Variants in CNTNAP2 observed in about 807,000 individuals in gnomAD.
CNTNAP2 encodes contactin associated protein 2.
CNTNAP2 carries 98 observed loss-of-function variants against 155.2 expected under a neutral mutation model. The ratio of observed to expected loss-of-function variants is 0.63; its 90% CI spans 0.54 to 0.75. The LOEUF (loss-of-function observed/expected upper bound fraction) is 0.75, where lower values mean the gene tolerates loss of function less well. Ranked by LOEUF, CNTNAP2 falls within the 30% of genes least tolerant of loss-of-function variation. CNTNAP2 has a pLI of 0.00. For missense variants in CNTNAP2, 1,727 were observed against 1,688.1 expected (o/e 1.02, Z -0.40); for synonymous variants, 651 against 631.2 (o/e 1.03, Z -0.47).
At chr7:146,388,068 C>T (rs1795485988) in intron 1 of CNTNAP2, among the ~76,000 whole-genome samples, 2 of 148,228 alleles carry the variant, frequency 1.3e-5, no homozygotes, top group Admixed American at 6.7e-5. Context: ...GGTATCTTCT[C>T]TTGATATGTT....
intron 1 of CNTNAP2, among the ~76,000 whole-genome samples, chr7:146,307,456 C>A (rs879400998): frequency 1.3e-5 from 2 of 152,132 alleles, no homozygotes; most frequent in Non-Finnish European, 2.9e-5. Context: ...CAGTGACTTT[C>A]TTCACAGAAC....
At chr7:147,078,852 C>A (rs1238376965) in intron 4 of CNTNAP2, among the ~76,000 whole-genome samples, 4 of 151,862 alleles carry the variant, frequency 2.6e-5, no homozygotes, top group South Asian at 2.1e-4. Context: ...CAGATTCAAG[C>A]AATTCTCCTA....
chr7:147,050,059 A>G (rs1799443989), intron 4 of CNTNAP2, among the ~76,000 whole-genome samples: 1 of 152,194 alleles, frequency 6.6e-6, no homozygotes, highest in Non-Finnish European at 1.5e-5. Flanking sequence ...CTCATTTGAA[A>G]TCATTCTGCT....
chr7:146,326,387 C>A (rs540760373), intron 1 of CNTNAP2, among the ~76,000 whole-genome samples: 1 of 152,300 alleles, frequency 6.6e-6, no homozygotes, highest in East Asian at 1.9e-4. Flanking sequence ...CCTTGCATAT[C>A]TCTTTTCCTG....
At chr7:148,233,653 GGTGCTTACT>G (rs1795999953) in intron 20 of CNTNAP2, among the ~76,000 whole-genome samples, 1 of 152,098 alleles carries the variant, frequency 6.6e-6, no homozygotes, top group African/African-American at 2.4e-5. Flanking sequence ...CACATGTATT[GGTGCTTACT>G]GTGTCCAAGG....
Position 147,740,424 on chromosome 7 carries a change from C to T in CNTNAP2, c.2098+101118C>T, listed in dbSNP as rs752673596. Among the ~76,000 whole-genome samples the T allele has an allele frequency of 2.4e-4, 37 of 152,196 alleles. 1 individual carries two copies. The highest frequency in any genetic ancestry group is 1.5e-5 in the Non-Finnish European group (1 of 68,030). ...GCCTCACCCTGCTACAGCTCGTTCGCTGACACTGCCCAACAAACCCACTGA... is the reference window on the plus strand; with the variant it reads ...GCCTCACCCTGCTACAGCTCGTTCGTTGACACTGCCCAACAAACCCACTGA... On this transcript the variant is annotated intron_variant, in intron 13 of 23. Coordinates refer to ENST00000361727, the MANE Select transcript of CNTNAP2 (RefSeq NM_014141.6).
At chr7:146,540,038 T>A (rs750040766) in intron 1 of CNTNAP2, among the ~76,000 whole-genome samples, 1 of 152,032 alleles carries the variant, frequency 6.6e-6, no homozygotes, top group East Asian at 1.9e-4. Context: ...TTTTAAGGCG[T>A]CTTGCAAGAC....
chr7:146,229,816 T>C (rs145644630), intron 1 of CNTNAP2, among the ~76,000 whole-genome samples: 103 of 152,300 alleles, frequency 6.8e-4, no homozygotes, highest in African/African-American at 2.4e-3. Flanking sequence ...GTTCCTATTA[T>C]TAAAGAGATT....
At chr7:147,334,221 C>T (rs917602332) in intron 9 of CNTNAP2, among the ~76,000 whole-genome samples, 4 of 152,150 alleles carry the variant, frequency 2.6e-5, no homozygotes, top group Non-Finnish European at 5.9e-5. Flanking sequence ...TCTGCCTCCT[C>T]CTTCCTCTTC....
intron 1 of CNTNAP2, among the ~76,000 whole-genome samples, chr7:146,233,464 C>CTT (rs11453742): frequency 3.7e-4 from 55 of 149,300 alleles, no homozygotes; most frequent in Non-Finnish European, 6.7e-4. Context: ...CTCTGTGACT[C>CTT]TTTTTTTTTT....
At chr7:146,823,240 T>A (rs868398320) in intron 2 of CNTNAP2, among the ~76,000 whole-genome samples, 49 of 148,258 alleles carry the variant, frequency 3.3e-4, no homozygotes, top group Admixed American at 1.3e-3. Flanking sequence ...CTTCAGTATA[T>A]TTAAATGTAA....
intron 3 of CNTNAP2, among the ~76,000 whole-genome samples, chr7:146,916,384 T>C (rs1478850285): frequency 6.6e-6 from 1 of 151,622 alleles, no homozygotes; most frequent in Non-Finnish European, 1.5e-5. Flanking sequence ...TCTAAAAATA[T>C]TGTCAATAAG....
chr7:148,073,957 A>G (rs1166501070), intron 15 of CNTNAP2, among the ~76,000 whole-genome samples: 1 of 152,162 alleles, frequency 6.6e-6, no homozygotes, highest in Non-Finnish European at 1.5e-5. Flanking sequence ...ATTTTGGTAT[A>G]GAAGGGGGTC....
chr7:146,807,158 A>C (rs1802982896), intron 2 of CNTNAP2, among the ~76,000 whole-genome samples: 1 of 152,174 alleles, frequency 6.6e-6, no homozygotes, highest in Non-Finnish European at 1.5e-5. Context: ...GAATAACTGA[A>C]ATAAATTACT....
chr7:146,656,664 T>C (rs1800000220), intron 1 of CNTNAP2, among the ~76,000 whole-genome samples: 1 of 152,164 alleles, frequency 6.6e-6, no homozygotes, highest in South Asian at 2.1e-4. Flanking sequence ...TAGGTAGGCT[T>C]TGCCAAGACT....
chr7:147,302,916 T>C (rs1028032837), intron 9 of CNTNAP2, among the ~76,000 whole-genome samples: 7 of 152,210 alleles, frequency 4.6e-5, no homozygotes, highest in Admixed American at 6.5e-5. Flanking sequence ...TAAACATTCT[T>C]CTGCAAGCTC....
intron 1 of CNTNAP2, among the ~76,000 whole-genome samples, chr7:146,512,235 T>A (rs2129135594): frequency 6.6e-6 from 1 of 152,058 alleles, no homozygotes; most frequent in Non-Finnish European, 1.5e-5. Context: ...TTTTTAAAAA[T>A]CAACTTTTCA....
rs527369894 is a variant in CNTNAP2 at position 148,374,014 on chromosome 7, A to T, written c.3476-9635A>T. On this transcript the variant is annotated intron_variant, in intron 21 of 23. Transcript: ENST00000361727. ...GAGATTCTAATTTTTTCTTGTGTTA[A>T]TTATGTGACATGGAGCGTCAGTTAA... Among the ~76,000 whole-genome samples the T allele has an allele frequency of 5.9e-5, 9 of 152,282 alleles. No homozygotes were observed. In the East Asian group the frequency reaches 9.6e-4, roughly 16 times the overall value.
chr7:146,951,476 G>A (rs539746252), intron 3 of CNTNAP2, among the ~76,000 whole-genome samples: 1 of 152,216 alleles, frequency 6.6e-6, no homozygotes, highest in African/African-American at 2.4e-5. Context: ...TTTGTATAAG[G>A]TGTGAGGAAG....
Sources: allele counts gnomAD v4.1 joint callset (sites outside exome capture counted in the v4.1 genomes callset), GRCh38; gene constraint gnomAD v4.1.1; transcripts MANE v1.5; gene names NCBI Gene and HGNC (gene_info 2026-07-23, HGNC 2026-07-21).